DMD: variants seen among roughly 807,000 people sequenced by gnomAD.
DMD encodes dystrophin, also known as mutant dystrophin.
In DMD, 63 loss-of-function variants were observed where a neutral mutation model predicts 330.1. The ratio of observed to expected loss-of-function variants is 0.19; its 90% CI spans 0.16 to 0.24. DMD has a LOEUF of 0.24. Ranked by LOEUF, DMD falls within the 10% of genes least tolerant of loss-of-function variation. The pLI, the probability that DMD is intolerant of heterozygous loss-of-function variation, is 1.00. For synonymous variants in DMD, 1,223 were observed against 959.8 expected, an observed-to-expected ratio of 1.27 and a Z score of -5.07; for missense variants, 3,344 against 2,684.1, an observed-to-expected ratio of 1.25 and a Z score of -5.43.
At chrX:32,726,376 G>A (rs185299986) in intron 7 of DMD, among the ~76,000 whole-genome samples, 22 of 111,372 alleles carry the variant, frequency 2.0e-4, no homozygotes, top group Admixed American at 3.8e-4. Flanking sequence ...AAAAAGTGAT[G>A]GCAAATGGCC....
chrX:33,051,546 G>C (rs1299593362), intron 1 of DMD, among the ~76,000 whole-genome samples: 2 of 107,650 alleles, frequency 1.9e-5, no homozygotes, highest in African/African-American at 6.9e-5. Context: ...GTAAATGTTA[G>C]TTTTACTTAA....
At chrX:31,930,274 C>A (rs1481339960) in intron 46 of DMD, among the ~76,000 whole-genome samples, 1 of 110,663 alleles carries the variant, frequency 9.0e-6, no homozygotes, top group East Asian at 2.8e-4. Context: ...CAGGTAGATC[C>A]AATTATCTTC....
chrX:33,255,205 C>T lies in DMD; in HGVS notation c.7+84054G>A, dbSNP rs139838050. On this transcript the variant is annotated intron_variant, in intron 1 of 17. Coordinates refer to the DMD transcript ENST00000288447. ...ATTAGTTAAGTCATTCAAATCACCTCATATTTAACAAATCTAAGTGGAAGT... is the reference window on the plus strand; with the variant it reads ...ATTAGTTAAGTCATTCAAATCACCTTATATTTAACAAATCTAAGTGGAAGT... Among the ~76,000 whole-genome samples the T allele has an allele frequency of 5.0e-3, 558 of 110,735 alleles. 1 individual carries two copies. Among genetic ancestry groups the T allele is most frequent in the Non-Finnish European group, 8.7e-3 (455 of 52,348 alleles).
In DMD at chrX:31,209,592, T is replaced by C. The variant is rs934841210; in HGVS notation, c.9469A>G (p.Ile3157Val). The change falls in exon 65 of 79, where the codon ATT becomes GTT. Residue 3157 changes from isoleucine (I) to valine (V), a missense_variant. Transcript: ENST00000357033. ...ILQIINCLTTIYDRLEQEHNN... is the reference protein window; with the variant it reads ...ILQIINCLTTVYDRLEQEHNN... ...TGCTCTTGCTCCAGGCGGTCATAAA[T>C]AGTGGTCAAACAATTAATAATCTGC... 9 of 1,209,620 alleles carry C rather than the reference T, an allele frequency of 7.4e-6. No individual in the cohort carries two copies. The highest frequency in any genetic ancestry group is 3.5e-5 in the African/African-American group (2 of 57,051).
chrX:32,370,370 T>A (rs911060617), intron 34 of DMD, among the ~76,000 whole-genome samples: 1 of 110,684 alleles, frequency 9.0e-6, no homozygotes, highest in Non-Finnish European at 1.9e-5. Flanking sequence ...TTAGGACATA[T>A]TTTACTATTA....
At chrX:31,939,459 C>A (rs999115691) in intron 45 of DMD, among the ~76,000 whole-genome samples, 2 of 111,891 alleles carry the variant, frequency 1.8e-5, no homozygotes, top group Admixed American at 1.9e-4. Flanking sequence ...GTTAGCAATG[C>A]GAATATCTGT....
At chrX:31,627,570 G>C in intron 55 of DMD, 103 bp downstream of exon 55, 1 of 880,009 alleles carries the variant, frequency 1.1e-6, no homozygotes, top group Non-Finnish European at 1.6e-6. Flanking sequence ...CTGTATAAAA[G>C]CAACTATTTT....
In DMD at chrX:32,252,655, A is replaced by AATATAT. The variant is rs1319302347; in HGVS notation, c.6290+34868_6290+34873dup. ...GTATATATAAATATATATAAATACA[A>AATATAT]ATATATAAATATATATATATAAATA... is the stretch of plus-strand genomic sequence containing the variant. On this transcript the variant is annotated intron_variant, in intron 43 of 78. Transcript: ENST00000357033. 2.3e-4 allele frequency among the ~76,000 whole-genome samples: 7 copies of AATATAT among 29,913 alleles called. 1 individual carries two copies. In the Admixed American group the frequency reaches 4.9e-3, roughly 21 times the overall value. 26.0% of individuals were successfully genotyped at this position (29,913 alleles called of 115,157 possible).
At chrX:33,059,435 T>C (rs1337226365) in intron 1 of DMD, among the ~76,000 whole-genome samples, 1 of 110,553 alleles carries the variant, frequency 9.0e-6, no homozygotes, top group Non-Finnish European at 1.9e-5. Flanking sequence ...ATAAGTCGGA[T>C]TTATTGGGCA....
At chrX:31,851,328 T>A (rs977105963) in intron 48 of DMD, among the ~76,000 whole-genome samples, 3 of 111,532 alleles carry the variant, frequency 2.7e-5, no homozygotes, top group Non-Finnish European at 5.7e-5. Context: ...TCAAAAATAA[T>A]CTGTCCAAAT....
Position 32,380,497 on chromosome X carries a change from A to G in DMD, c.4845+13T>C, listed in dbSNP as rs766954411. On this transcript the variant is annotated intron_variant, in intron 34 of 78. Coordinates refer to ENST00000357033, the MANE Select transcript of DMD (RefSeq NM_004006.3). ...CGTATGTTCAAAATAACCTTCAGTG[A>G]TATAGGTTTTACCTTTCCCCAGGCA... is the stretch of plus-strand genomic sequence containing the variant. 10 of 1,203,872 alleles carry G rather than the reference A, an allele frequency of 8.3e-6. No homozygotes were observed. In the East Asian group the frequency reaches 2.4e-4, roughly 29 times the overall value.
At chrX:31,763,490 G>A (rs1383348033) in intron 51 of DMD, among the ~76,000 whole-genome samples, 1 of 112,115 alleles carries the variant, frequency 8.9e-6, no homozygotes, top group Non-Finnish European at 1.9e-5. Flanking sequence ...TTGAACCTAG[G>A]TGGCGGAGGT....
chrX:32,287,762 A>AT lies in DMD; in HGVS notation c.6118-62_6118-61insA. On this transcript the variant is annotated intron_variant, in intron 42 of 78. Transcript: ENST00000357033. ...AATTAGCTGTCTATAGAAAGAGAAA[A>AT]ATATATATATATATACAAATCCCAA... is the stretch of plus-strand genomic sequence containing the variant. 7.2e-6 allele frequency: 5 copies of AT among 699,215 alleles called. No individual in the cohort carries two copies. The Admixed American group carries it at 1.1e-4, about 16-fold the overall frequency. 57.6% of individuals were successfully genotyped at this position (699,215 alleles called of 1,213,427 possible). A position where few individuals can be genotyped will look rare whatever the true frequency, so the allele number is the denominator to read the frequency against.
chrX:32,469,361 C>A (rs1014523095), intron 22 of DMD, among the ~76,000 whole-genome samples: 1 of 109,104 alleles, frequency 9.2e-6, no homozygotes, highest in Non-Finnish European at 1.9e-5. Context: ...AATAAAGGCT[C>A]ATGACAAAAA....
In DMD at chrX:32,205,850, A is replaced by G. The variant is rs749408528; in HGVS notation, c.6438+11066T>C. On this transcript the variant is annotated intron_variant, in intron 44 of 78. Coordinates refer to ENST00000357033, the MANE Select transcript of DMD (RefSeq NM_004006.3). ...CTGTTCTCTTGAGCAGTGGTCCTTT[A>G]TCATCATCTGCCTTCTCTCCCACCT... 49 of 277,502 alleles carry G rather than the reference A, an allele frequency of 1.8e-4. No homozygotes were observed. In the East Asian group the frequency reaches 3.8e-3, roughly 21 times the overall value. 22.9% of individuals were successfully genotyped at this position (277,502 alleles called of 1,213,427 possible). A position where few individuals can be genotyped will look rare whatever the true frequency, so the allele number is the denominator to read the frequency against.
At chrX:31,953,133 A>G (rs1334685807) in intron 45 of DMD, among the ~76,000 whole-genome samples, 1 of 112,485 alleles carries the variant, frequency 8.9e-6, no homozygotes, top group Non-Finnish European at 1.9e-5. Context: ...CATGAAGGAG[A>G]CACAAGGAGT....
chrX:32,503,595 GC>G (rs1569564938), intron 18 of DMD, among the ~76,000 whole-genome samples: 1 of 110,908 alleles, frequency 9.0e-6, no homozygotes, highest in Non-Finnish European at 1.9e-5. Context: ...TCACTCTGTC[GC>G]CCAGGCTGGA....
In DMD at chrX:32,486,677, A is replaced by T. The variant is rs752392358; in HGVS notation, c.2623-1578T>A. Among the ~76,000 whole-genome samples the T allele has an allele frequency of 3.7e-5, 4 of 106,815 alleles. No individual in the cohort carries two copies. In the South Asian group the frequency reaches 1.3e-3, roughly 34 times the overall value. 92.8% of individuals were successfully genotyped at this position (106,815 alleles called of 115,157 possible). On this transcript the variant is annotated intron_variant, in intron 20 of 78. Transcript: ENST00000357033. ...GATATAGATCAATGGAACAGAACAG[A>T]GCCCTCAGAAATAACGCCGCATACC...
chrX:32,684,087 T>G (rs1439310606), intron 9 of DMD, among the ~76,000 whole-genome samples: 7 of 104,047 alleles, frequency 6.7e-5, no homozygotes, highest in Non-Finnish European at 1.4e-4. Context: ...AGAGTTCTAG[T>G]TATGAGGATG....
Sources: allele counts gnomAD v4.1 joint callset (sites outside exome capture counted in the v4.1 genomes callset), GRCh38; gene constraint gnomAD v4.1.1; transcripts MANE v1.5; gene names NCBI Gene and HGNC (gene_info 2026-07-23, HGNC 2026-07-21).